ANKRD30B: variants seen among roughly 807,000 people sequenced by gnomAD.
ANKRD30B encodes ankyrin repeat domain 30B.
A neutral mutation model predicts 202.2 loss-of-function variants in ANKRD30B; 144 were observed. The ratio of observed to expected loss-of-function variants is 0.71; its 90% confidence interval spans 0.62 to 0.82. The LOEUF (loss-of-function observed/expected upper bound fraction) is 0.82. ANKRD30B is among the 40% of genes least tolerant of loss of function. The pLI is 0.00. For synonymous variants in ANKRD30B, 508 were observed against 561.3 expected (o/e 0.91, Z 1.34); for missense variants, 1,487 against 1,669.1 (o/e 0.89, Z 1.90).
chr18:14,903,249 A>G, the ANKRD30B span, among the ~76,000 whole-genome samples: 1 of 152,192 alleles, frequency 6.6e-6, no homozygotes. Context: ...AGGCAGATTA[A>G]TTGGAGGAAA....
intron 39 of ANKRD30B, among the ~76,000 whole-genome samples, chr18:14,847,986 G>C (rs1971723258): frequency 6.6e-6 from 1 of 152,010 alleles, no homozygotes; most frequent in Non-Finnish European, 1.5e-5. Flanking sequence ...CTCCTCTTCA[G>C]TGTTCTGTTC....
downstream of ANKRD30B, among the ~76,000 whole-genome samples, chr18:14,858,684 CGA>C: frequency 7.1e-6 from 1 of 141,264 alleles, no homozygotes; most frequent in Non-Finnish European, 1.6e-5. Context: ...ACATCCCAGA[CGA>C]TGGGTGGCCG....
At chr18:14,907,204 A>C in the ANKRD30B span, among the ~76,000 whole-genome samples, 1 of 152,098 alleles carries the variant, frequency 6.6e-6, no homozygotes, top group Admixed American at 6.5e-5. Context: ...GGCCTGAACC[A>C]GTTTCTCATG....
At chr18:14,878,930 C>A in the ANKRD30B span, among the ~76,000 whole-genome samples, 1 of 152,126 alleles carries the variant, frequency 6.6e-6, no homozygotes, top group Non-Finnish European at 1.5e-5. Context: ...CACCCTCTTG[C>A]GAGGGCGGAG....
intron 24 of ANKRD30B, 156 bp from the exon 25 acceptor site, chr18:14,808,395 G>A (rs569109669): frequency 3.8e-6 from 3 of 780,774 alleles, no homozygotes; most frequent in African/African-American, 1.7e-5. Context: ...CCATTGGCAT[G>A]TTAACAAATA....
chr18:14,752,776 C>T, intron 2 of ANKRD30B, 63 bp from the exon 3 acceptor site: 3 of 1,545,490 alleles, frequency 1.9e-6, no homozygotes, highest in Non-Finnish European at 2.6e-6. Context: ...TTTGTGAAAC[C>T]TGTGGAATAC....
chr18:14,889,252 A>C, the ANKRD30B span, among the ~76,000 whole-genome samples: 1 of 152,098 alleles, frequency 6.6e-6, no homozygotes, highest in East Asian at 1.9e-4. Context: ...AACCACTGGA[A>C]ATTTGGTATA....
the ANKRD30B span, among the ~76,000 whole-genome samples, chr18:14,867,531 C>T: frequency 3.2e-4 from 49 of 152,240 alleles, no homozygotes; most frequent in Middle Eastern, 3.4e-3. Flanking sequence ...GGCCTTCGCA[C>T]CCACCATGGT....
intron 15 of ANKRD30B, among the ~76,000 whole-genome samples, chr18:14,791,069 T>C (rs192032303): frequency 6.6e-6 from 1 of 152,184 alleles, no homozygotes; most frequent in African/African-American, 2.4e-5. Flanking sequence ...CAATTTCAGA[T>C]CCTGTTATTC....
the ANKRD30B span, among the ~76,000 whole-genome samples, chr18:14,919,679 A>G: frequency 6.6e-6 from 1 of 152,248 alleles, no homozygotes; most frequent in Non-Finnish European, 1.5e-5. Context: ...AGTTTCTAAC[A>G]TGATGAACAT....
At chr18:14,805,790 TCTC>T (rs1969472659) in intron 24 of ANKRD30B, among the ~76,000 whole-genome samples, 1 of 150,612 alleles carries the variant, frequency 6.6e-6, no homozygotes, top group African/African-American at 2.5e-5. Context: ...AGATCACTTA[TCTC>T]CTCATCACTC....
chr18:14,764,635 G>A (rs777691674), intron 7 of ANKRD30B, among the ~76,000 whole-genome samples: 11 of 152,030 alleles, frequency 7.2e-5, no homozygotes, highest in East Asian at 3.9e-4. Context: ...TGATAGCCCC[G>A]CCTTGGCCTC....
Position 14,831,437 on chromosome 18 carries a change from C to G in ANKRD30B, c.2829C>G (p.Asp943Glu). The change falls in exon 34 of 44, where the codon GAC becomes GAG. Residue 943 changes from aspartate to glutamate, a missense_variant. Physicochemically the swap from Asp to Glu is conservative, Grantham distance 45 (BLOSUM62 2). Around this residue, in one of 6 missense-constraint regions of ANKRD30B, gnomAD observed 218 missense variants for 320.1 expected, o/e 0.68. Coordinates refer to ENST00000690538, the MANE Select transcript of ANKRD30B (RefSeq NM_001367607.2). ...CACAGTCTACAAAAGTTGAGGAAGACTTTAATCTTACTACCAAGGTAAAAT... is the reference window on the plus strand; with the variant it reads ...CACAGTCTACAAAAGTTGAGGAAGAGTTTAATCTTACTACCAAGGTAAAAT... Reference protein sequence around the residue: ...ENSQSTKVEEDFNLTTKEGAT... With the variant: ...ENSQSTKVEEEFNLTTKEGAT... The G allele has an allele frequency of 6.5e-7, 1 of 1,532,494 alleles. No homozygotes were observed. Among genetic ancestry groups the G allele is most frequent in the Non-Finnish European group, 8.8e-7 (1 of 1,136,766 alleles). 94.9% of individuals were successfully genotyped at this position (1,532,494 alleles called of 1,614,324 possible). A position where few individuals can be genotyped will look rare whatever the true frequency, so the allele number is the denominator to read the frequency against.
the ANKRD30B span, among the ~76,000 whole-genome samples, chr18:14,894,365 G>T: frequency 6.6e-6 from 1 of 152,048 alleles, no homozygotes; most frequent in African/African-American, 2.4e-5. Flanking sequence ...TGATTTTAAA[G>T]TGCTTTAACT....
the ANKRD30B span, among the ~76,000 whole-genome samples, chr18:14,867,491 G>A: frequency 7.2e-5 from 11 of 152,110 alleles, no homozygotes; most frequent in African/African-American, 2.2e-4. Flanking sequence ...GGTGCACAGA[G>A]TTTTCACGGC....
chr18:14,927,825 G>A, the ANKRD30B span, among the ~76,000 whole-genome samples: 1 of 152,196 alleles, frequency 6.6e-6, no homozygotes, highest in Non-Finnish European at 1.5e-5. Context: ...TACCAGCTAT[G>A]TCCAGCCCCA....
chr18:14,827,828 C>T (rs1393991912), intron 32 of ANKRD30B, among the ~76,000 whole-genome samples: 1 of 152,162 alleles, frequency 6.6e-6, no homozygotes, highest in Non-Finnish European at 1.5e-5. Flanking sequence ...CACTGTAGTT[C>T]ACTTGCAGAG....
the ANKRD30B span, among the ~76,000 whole-genome samples, chr18:14,935,487 C>G: frequency 6.6e-6 from 1 of 152,212 alleles, no homozygotes; most frequent in Admixed American, 6.5e-5. Context: ...CAAGCTCCTT[C>G]CCTACGGTGG....
At chr18:14,900,025 C>G in the ANKRD30B span, among the ~76,000 whole-genome samples, 1 of 152,120 alleles carries the variant, frequency 6.6e-6, no homozygotes, top group East Asian at 1.9e-4. Context: ...TGGAGGCACT[C>G]AAACCATTCT....
Sources: gnomAD v4.1 joint callset for allele counts (sites outside exome capture counted in the v4.1 genomes callset) on GRCh38, gnomAD v4.1.1 for gene constraint, gnomAD v4.1.1 regional missense constraint, MANE v1.5 for transcripts, NCBI Gene and HGNC (gene_info 2026-07-23, HGNC 2026-07-21) for gene names.